Variants in TMEM41A observed in about 807,000 individuals in gnomAD.
TMEM41A encodes transmembrane protein 41A.
In TMEM41A, 20 loss-of-function variants were observed where a neutral mutation model predicts 25.7. The observed-to-expected ratio is 0.78, with a 90% confidence interval of 0.55 to 1.13. TMEM41A has a LOEUF of 1.13. TMEM41A is among the 50% of genes most tolerant of loss of function. TMEM41A has a pLI of 0.00. For synonymous variants in TMEM41A, 133 were observed against 139.6 expected (o/e 0.95, Z 0.33); for missense variants, 299 against 314.3 (o/e 0.95, Z 0.37).
chr3:185,494,422 A>G (rs1437430845), intron 4 of TMEM41A: 2 of 568,472 alleles, frequency 3.5e-6, no homozygotes, highest in East Asian at 6.3e-5. Flanking sequence ...TATTTAGTCC[A>G]AAAGTATTTT....
Position 185,491,020 on chromosome 3 carries a change from C to G in TMEM41A, c.*517G>C, listed in dbSNP as rs1365444273. The G allele has an allele frequency of 8.6e-6, 1 of 116,060 alleles. No individual in the cohort carries two copies. The highest frequency in any genetic ancestry group is 1.7e-5 in the Non-Finnish European group (1 of 59,106). The allele number at this position is 116,060 out of a possible 1,614,324, so 7.2% of individuals were successfully genotyped here. ...CTTTTTTTTTTTTTTTTTGTCAAGA[C>G]AGTGTCTCACTCTATCACCCAGGCT... On this transcript the variant is annotated 3_prime_UTR_variant, in exon 5 of 5. Transcript: ENST00000421852.
rs1181955578 is a variant in TMEM41A, at chr3:185,491,024, GTCTCAC to G, written c.*507_*512del. Reference sequence around the variant, plus strand: ...TTTTTTTTTTTTTTGTCAAGACAGTGTCTCACTCTATCACCCAGGCTGGAGTGCAGT... The same window carrying G: ...TTTTTTTTTTTTTTGTCAAGACAGTGTCTATCACCCAGGCTGGAGTGCAGT... On this transcript the variant is annotated 3_prime_UTR_variant, in exon 5 of 5. Coordinates refer to ENST00000421852, the MANE Select transcript of TMEM41A (RefSeq NM_080652.4). 2 of 125,160 alleles carry G rather than the reference GTCTCAC, an allele frequency of 1.6e-5. No homozygotes were observed. The highest frequency in any genetic ancestry group is 3.2e-5 in the Non-Finnish European group (2 of 62,610). The allele number at this position is 125,160 out of a possible 1,614,324, so 7.8% of individuals were successfully genotyped here. A position where few individuals can be genotyped will look rare whatever the true frequency, so the allele number is the denominator to read the frequency against.
chr3:185,497,080 T>C, intron 1 of TMEM41A, 99 bp from the exon 2 acceptor site: 2 of 1,405,470 alleles, frequency 1.4e-6, no homozygotes, highest in East Asian at 2.5e-5. Context: ...GGTTTATAAA[T>C]ATGCCCATCA....
chr3:185,495,332 C>A lies in TMEM41A; in HGVS notation c.274-17G>T, dbSNP rs1719072957. On this transcript the variant is annotated splice_polypyrimidine_tract_variant and intron_variant, in intron 2 of 4. Transcript: ENST00000421852. Reference sequence around the variant, plus strand: ...TAAAACATTCTGCAAATAAAACAAACCCTCAGGCATGTGAACATCTGGCAG... The same window carrying A: ...TAAAACATTCTGCAAATAAAACAAAACCTCAGGCATGTGAACATCTGGCAG... 1 of 1,610,456 alleles carries A rather than the reference C, an allele frequency of 6.2e-7. No individual in the cohort carries two copies. The highest frequency in any genetic ancestry group is 8.5e-7 in the Non-Finnish European group (1 of 1,178,240).
chr3:185,494,857 A>T, intron 3 of TMEM41A, 96 bp from the exon 4 acceptor site: 1 of 1,390,122 alleles, frequency 7.2e-7, no homozygotes, highest in Non-Finnish European at 9.7e-7. Context: ...CACTTTACAT[A>T]ATCTGTTCCC....
Position 185,498,854 on chromosome 3 carries a change from C to A in TMEM41A, c.108G>T (p.Glu36Asp). Residue 36 changes from glutamate to aspartate, a missense_variant, in exon 1 of 5, where the codon GAG becomes GAT. Glu to Asp is a conservative substitution (Grantham distance 45, BLOSUM62 2). Transcript: ENST00000421852. ...PRGRRLGSTE[E>D]AGGRSLWFPS... ...TTCCCGCCACGCACCTGCCTCCAGC[C>A]TCCTCGGTGGAGCCCAGTCTCCGCC... The A allele has an allele frequency of 1.3e-6, 2 of 1,599,972 alleles. No homozygotes were observed. Among genetic ancestry groups the A allele is most frequent in the Non-Finnish European group, 1.7e-6 (2 of 1,175,004 alleles).
At position 185,495,181 on chromosome 3, in the gene TMEM41A, A is replaced by C. The variant is rs186381106; in HGVS notation, c.408T>G (p.Pro136=). 9 of 1,613,902 alleles carry C rather than the reference A, an allele frequency of 5.6e-6. No individual in the cohort carries two copies. In the East Asian group the frequency reaches 1.8e-4, roughly 32 times the overall value. The change falls in exon 3 of 5, where the codon CCT becomes CCG. Residue 136 remains proline (P), a synonymous_variant. Coordinates refer to ENST00000421852, the MANE Select transcript of TMEM41A (RefSeq NM_080652.4). ...TTCTCTGCAGCAGGGCCACTTTATCAGGAAAGTAGGACACCACCAACTGTT... is the reference window on the plus strand; with the variant it reads ...TTCTCTGCAGCAGGGCCACTTTATCCGGAAAGTAGGACACCACCAACTGTT... The part of the protein sequence containing the change: ...FGKQLVVSYF[P]DKVALLQRKV...
chr3:185,497,184 G>A (rs1719129323), intron 1 of TMEM41A, among the ~76,000 whole-genome samples: 1 of 152,240 alleles, frequency 6.6e-6, no homozygotes, highest in African/African-American at 2.4e-5. Context: ...GGAAGCAAGA[G>A]ACCTGGGTTA....
At chr3:185,494,923 T>G (rs962539817) in intron 3 of TMEM41A, 162 bp from the exon 4 acceptor site, 8 of 1,022,390 alleles carry the variant, frequency 7.8e-6, no homozygotes, top group Non-Finnish European at 1.1e-5. Context: ...AAAATAGACA[T>G]GCTGAGGATC....
rs2148938229 is a variant in TMEM41A at position 185,491,428 on chromosome 3, C to T, written c.*109G>A. 1 of 786,358 alleles carries T rather than the reference C, an allele frequency of 1.3e-6. No homozygotes were observed. Among genetic ancestry groups the T allele is most frequent in the East Asian group, 2.6e-5 (1 of 39,040 alleles). 48.7% of individuals were successfully genotyped at this position (786,358 alleles called of 1,614,324 possible). On this transcript the variant is annotated 3_prime_UTR_variant, in exon 5 of 5. Coordinates refer to ENST00000421852, the MANE Select transcript of TMEM41A (RefSeq NM_080652.4). ...GACACTGCACATTGATGCACAGTGTCCACATCACCTATAGAAGGCAATCAA... is the reference window on the plus strand; with the variant it reads ...GACACTGCACATTGATGCACAGTGTTCACATCACCTATAGAAGGCAATCAA...
chr3:185,492,328 T>C (rs1050018226), intron 4 of TMEM41A: 7 of 152,032 alleles, frequency 4.6e-5, no homozygotes, highest in African/African-American at 1.4e-4. Flanking sequence ...ATAAATAAAA[T>C]TTTAAATAGG....
Position 185,498,950 on chromosome 3 carries a change from A to G in TMEM41A, c.12T>C (p.Leu4=), listed in dbSNP as rs181408032. 1.2e-4 allele frequency: 195 copies of G among 1,600,666 alleles called. 1 individual carries two copies. The African/African-American group carries it at 2.3e-3, about 19-fold the overall frequency. Residue 4 remains leucine (L), a synonymous_variant, in exon 1 of 5, where the codon CTT becomes CTC. Coordinates refer to ENST00000421852, the MANE Select transcript of TMEM41A (RefSeq NM_080652.4). The part of the protein sequence containing the change: MRP[L]LGLLLVFAGC... ...CGGCGAAGACCAGAAGGAGGCCGAG[A>G]AGCGGGCGCATGTCGGCTCCGCACC...
intron 1 of TMEM41A, among the ~76,000 whole-genome samples, chr3:185,497,923 G>C (rs1719149781): frequency 6.6e-6 from 1 of 152,200 alleles, no homozygotes; most frequent in African/African-American, 2.4e-5. Context: ...GGCCAGGTAA[G>C]TATTGCTCTG....
Position 185,498,949 on chromosome 3 carries a change from G to C in TMEM41A, c.13C>G (p.Leu5Val). Residue 5 changes from leucine (L) to valine (V), a missense_variant, in exon 1 of 5, where the codon CTC becomes GTC. Physicochemically the swap from Leu to Val is conservative, Grantham distance 32 (BLOSUM62 1). Transcript: ENST00000421852. The stretch of plus-strand genomic sequence containing the variant: ...CCGGCGAAGACCAGAAGGAGGCCGA[G>C]AAGCGGGCGCATGTCGGCTCCGCAC... MRPL[L>V]GLLLVFAGCT... is the part of the protein sequence containing the mutation. The C allele has an allele frequency of 1.2e-6, 2 of 1,601,458 alleles. No individual in the cohort carries two copies. Among genetic ancestry groups the C allele is most frequent in the Non-Finnish European group, 1.7e-6 (2 of 1,174,914 alleles).
intron 2 of TMEM41A, 111 bp downstream of exon 2, chr3:185,496,717 C>T: frequency 7.3e-7 from 1 of 1,378,176 alleles, no homozygotes; most frequent in Non-Finnish European, 1.0e-6. Flanking sequence ...AGCCCCGATA[C>T]ACCCACTGTC....
At chr3:185,492,485 T>C (rs1288863736) in intron 4 of TMEM41A, 1 of 152,178 alleles carries the variant, frequency 6.6e-6, no homozygotes, top group Admixed American at 6.5e-5. Flanking sequence ...GTGCCATTGT[T>C]GACAAACAGT....
rs73885725 is a variant in TMEM41A, at chr3:185,491,515, T to G, written c.*22A>C. 2 of 1,594,904 alleles carry G rather than the reference T, an allele frequency of 1.3e-6. No individual in the cohort carries two copies. Among genetic ancestry groups the G allele is most frequent in the Non-Finnish European group, 1.7e-6 (2 of 1,164,110 alleles). On this transcript the variant is annotated 3_prime_UTR_variant, in exon 5 of 5. Transcript: ENST00000421852. ...ACAAATAAGCAACTGAGTCCAGGGA[T>G]GTGGCAAACAGAAAATCCAGATCAT... is the stretch of plus-strand genomic sequence containing the variant.
In TMEM41A at chr3:185,499,030, C is replaced by A. The variant is rs1180129775; in HGVS notation, c.-69G>T. ...TTGCACTCCGGGACGCAGCGGCGGG[C>A]GGACTGAGCCCGCGGAGCACGTTCA... On this transcript the variant is annotated 5_prime_UTR_variant, in exon 1 of 5. Transcript: ENST00000421852. The A allele has an allele frequency of 5.8e-6, 8 of 1,375,252 alleles. No individual in the cohort carries two copies. The highest frequency in any genetic ancestry group is 3.8e-5 in the South Asian group (3 of 79,032). 85.2% of individuals were successfully genotyped at this position (1,375,252 alleles called of 1,614,324 possible).
intron 1 of TMEM41A, 145 bp from the exon 2 acceptor site, chr3:185,497,126 A>G: frequency 9.1e-7 from 1 of 1,099,998 alleles, no homozygotes; most frequent in Admixed American, 2.7e-5. Flanking sequence ...TCCCAATGAC[A>G]GATGACCTGA....
Sources: allele counts gnomAD v4.1 joint callset (sites outside exome capture counted in the v4.1 genomes callset), GRCh38; gene constraint gnomAD v4.1.1; transcripts MANE v1.5; gene names NCBI Gene and HGNC (gene_info 2026-07-23, HGNC 2026-07-21).